ZMYM2: variants seen among roughly 807,000 people sequenced by gnomAD.
ZMYM2 encodes zinc finger MYM-type containing 2.
Under a neutral mutation model 162.8 loss-of-function variants are expected in ZMYM2, and 56 were observed. The observed-to-expected ratio is 0.34, with a 90% CI of 0.28 to 0.43. The LOEUF (loss-of-function observed/expected upper bound fraction) is 0.43. Among genes scored for constraint, ZMYM2 ranks in the 20% least tolerant of loss-of-function variants. The probability of loss-of-function intolerance (pLI) is 1.00; values close to 1 mark genes in which losing one functional copy is unlikely to be tolerated. For missense variants in ZMYM2, 1,275 were observed against 1,621.8 expected (o/e 0.79, Z 3.67); for synonymous variants, 510 against 541.6 (o/e 0.94, Z 0.81).
rs113534053 is a variant in ZMYM2 at position 19,997,909 on chromosome 13, C to A, written c.847+3990C>A. Among the ~76,000 whole-genome samples the A allele has an allele frequency of 4.7e-4, 72 of 152,152 alleles. 1 individual carries two copies. The highest frequency in any genetic ancestry group is 1.7e-3 in the African/African-American group (71 of 41,516). On this transcript the variant is annotated intron_variant, in intron 3 of 24. Coordinates refer to ENST00000610343, the MANE Select transcript of ZMYM2 (RefSeq NM_197968.4). ...TGTCTATTTTGTATTTAGCTTGGTT[C>A]CAGTTTTTCCTACTTAGATAATTAT...
chr13:20,020,237 T>C (rs1951958337), intron 7 of ZMYM2, among the ~76,000 whole-genome samples: 1 of 149,772 alleles, frequency 6.7e-6, no homozygotes, highest in East Asian at 1.9e-4. Flanking sequence ...TCCTCTTCTT[T>C]TTTTTTTTTT....
At chr13:20,082,721 A>AT in intron 22 of ZMYM2, 60 bp from the exon 23 acceptor site, 1 of 1,354,762 alleles carries the variant, frequency 7.4e-7, no homozygotes, top group South Asian at 1.6e-5. Flanking sequence ...CTGCTTCTAG[A>AT]TGGTTAAATG....
upstream of ZMYM2, among the ~76,000 whole-genome samples, chr13:19,958,356 C>G (rs899993445): frequency 3.3e-5 from 5 of 152,120 alleles, no homozygotes; most frequent in Admixed American, 6.5e-5. Context: ...CCGCCGGAGT[C>G]TCCCGGGCTG....
In ZMYM2 at chr13:20,031,350, A is replaced by G; in HGVS notation, c.1883A>G (p.Gln628Arg). The change falls in exon 10 of 25, where the codon CAG becomes CGG. Residue 628 changes from glutamine to arginine, a missense_variant. This residue lies in a region of ZMYM2 where 276 missense variants were observed against 311.8 expected (regional missense o/e 0.89). Transcript: ENST00000610343. ...ALSMQSSPNG[Q>R]FVAPSDIQLK... is the part of the protein sequence containing the mutation. ...AGTATGCAGTCATCTCCAAATGGCC[A>G]GTTTGTAGCGCCAAGTGATATTCAG... is the stretch of plus-strand genomic sequence containing the variant. 6.2e-7 allele frequency: 1 copy of G among 1,609,268 alleles called. No homozygotes were observed. Among genetic ancestry groups the G allele is most frequent in the Non-Finnish European group, 8.5e-7 (1 of 1,178,782 alleles).
chr13:19,975,579 A>C (rs779781402), intron 2 of ZMYM2, among the ~76,000 whole-genome samples: 3 of 152,198 alleles, frequency 2.0e-5, no homozygotes, highest in Admixed American at 6.5e-5. Flanking sequence ...TCTGTTGGAC[A>C]CTTAGGTTGT....
chr13:19,871,644 AC>A, the ZMYM2 span, among the ~76,000 whole-genome samples: 1 of 152,278 alleles, frequency 6.6e-6, no homozygotes, highest in East Asian at 1.9e-4. Flanking sequence ...ATTATGCTAC[AC>A]TTTCATAAAG....
rs995063864 is a variant in ZMYM2, at chr13:20,031,307, T to G, written c.1852-12T>G. On this transcript the variant is annotated splice_polypyrimidine_tract_variant and intron_variant, in intron 9 of 24. Transcript: ENST00000610343. Reference sequence around the variant, plus strand: ...ACATGTCAGGCTTAGTATCTTTTGTTCTTTGTTTTAGGCTCTAAGTATGCA... The same window carrying G: ...ACATGTCAGGCTTAGTATCTTTTGTGCTTTGTTTTAGGCTCTAAGTATGCA... 10 of 1,581,696 alleles carry G rather than the reference T, an allele frequency of 6.3e-6. No individual in the cohort carries two copies. The highest frequency in any genetic ancestry group is 8.6e-6 in the Non-Finnish European group (10 of 1,161,472).
At chr13:19,959,409 T>C (rs1954924637) in intron 1 of ZMYM2, among the ~76,000 whole-genome samples, 1 of 152,094 alleles carries the variant, frequency 6.6e-6, no homozygotes, top group Admixed American at 6.5e-5. Flanking sequence ...TCCTCGGCGC[T>C]GCGCTGCGCG....
At chr13:20,063,351 C>T (rs376593845) in intron 18 of ZMYM2, among the ~76,000 whole-genome samples, 1 of 141,392 alleles carries the variant, frequency 7.1e-6, no homozygotes, top group Non-Finnish European at 1.5e-5. Flanking sequence ...TGCAGTGAGC[C>T]GAGATTGTGC....
chr13:19,995,002 T>TAAAAA (rs11415288), intron 3 of ZMYM2, among the ~76,000 whole-genome samples: 1 of 140,556 alleles, frequency 7.1e-6, no homozygotes. Context: ...CTGGCTAAAT[T>TAAAAA]AAAAAAAAAA....
intron 6 of ZMYM2, among the ~76,000 whole-genome samples, chr13:20,014,762 G>GTTTTTTTTTTTTTTTTT (rs71070286): frequency 1.1e-5 from 1 of 92,832 alleles, no homozygotes; most frequent in Non-Finnish European, 2.0e-5. Flanking sequence ...TTTACTTTAG[G>GTTTTTTTTTTTTTTTTT]TTTTTTTTTT....
intron 21 of ZMYM2, among the ~76,000 whole-genome samples, chr13:20,077,266 A>G (rs1014230506): frequency 6.0e-5 from 9 of 150,556 alleles, no homozygotes; most frequent in Admixed American, 2.0e-4. Flanking sequence ...ACTGCTTTCC[A>G]CATACTATGC....
At chr13:20,068,536 CA>C (rs1396926671) in intron 21 of ZMYM2, among the ~76,000 whole-genome samples, 1 of 152,028 alleles carries the variant, frequency 6.6e-6, no homozygotes, top group African/African-American at 2.4e-5. Context: ...CTGTAAAATC[CA>C]AACAATGATG....
At chr13:19,938,875 C>T in the ZMYM2 span, among the ~76,000 whole-genome samples, 4 of 151,968 alleles carry the variant, frequency 2.6e-5, no homozygotes, top group Admixed American at 2.6e-4. Context: ...TTGTTCCTAC[C>T]TTACAAATCC....
the ZMYM2 span, among the ~76,000 whole-genome samples, chr13:19,904,565 A>C: frequency 6.6e-6 from 1 of 152,166 alleles, no homozygotes; most frequent in Non-Finnish European, 1.5e-5. Flanking sequence ...TCTCAAAAAA[A>C]ATTTTTTTTA....
intron 18 of ZMYM2, 26 bp downstream of exon 18, chr13:20,062,997 A>C (rs1236928503): frequency 6.3e-7 from 1 of 1,582,594 alleles, no homozygotes; most frequent in South Asian, 1.2e-5. Flanking sequence ...ATGACTATGG[A>C]ATTTAGTTAT....
the ZMYM2 span, among the ~76,000 whole-genome samples, chr13:19,936,128 C>A: frequency 6.6e-6 from 1 of 152,128 alleles, no homozygotes; most frequent in Non-Finnish European, 1.5e-5. Context: ...CAAAGTTCAG[C>A]ATGTAAATGG....
chr13:19,880,758 G>A, the ZMYM2 span, among the ~76,000 whole-genome samples: 3 of 152,082 alleles, frequency 2.0e-5, no homozygotes, highest in Admixed American at 2.0e-4. Flanking sequence ...TTTCTTTTTG[G>A]ATTGTTCACT....
At chr13:19,912,689 T>C in the ZMYM2 span, among the ~76,000 whole-genome samples, 5 of 152,154 alleles carry the variant, frequency 3.3e-5, no homozygotes, top group Non-Finnish European at 5.9e-5. Flanking sequence ...ATTGGTCCAT[T>C]ACATTGATGG....
Sources: allele counts gnomAD v4.1 joint callset (sites outside exome capture counted in the v4.1 genomes callset), GRCh38; gene constraint gnomAD v4.1.1; regional missense constraint gnomAD v4.1.1; transcripts MANE v1.5; gene names NCBI Gene and HGNC (gene_info 2026-07-23, HGNC 2026-07-21).